The following LRRC37A2 variants were observed in gnomAD, a reference collection of about 807,000 sequenced individuals.
LRRC37A2 encodes the protein leucine rich repeat containing 37 member A2, also known as leucine-rich repeat-containing protein 37A2.
A neutral mutation model predicts 68.8 loss-of-function variants in LRRC37A2; 9 were observed. The observed-to-expected ratio is 0.13, with a 90% CI of 0.08 to 0.23. The LOEUF (loss-of-function observed/expected upper bound fraction) is 0.23, where lower values mean the gene tolerates loss of function less well. Among genes scored for constraint, LRRC37A2 ranks in the 10% least tolerant of loss-of-function variants. The pLI, the probability that LRRC37A2 is intolerant of heterozygous loss-of-function variation, is 1.00. For missense variants in LRRC37A2, 168 were observed against 950.4 expected (o/e 0.18, Z 10.82); for synonymous variants, 63 against 367.6 (o/e 0.17, Z 9.48).
the LRRC37A2 span, among the ~76,000 whole-genome samples, chr17:46,917,709 G>A: frequency 6.6e-6 from 1 of 152,176 alleles, no homozygotes; most frequent in Non-Finnish European, 1.5e-5. Context: ...TTTCCGCTTG[G>A]CGTTGCCCTA....
At chr17:46,836,228 G>A in the LRRC37A2 span, among the ~76,000 whole-genome samples, 1 of 151,810 alleles carries the variant, frequency 6.6e-6, no homozygotes, top group Non-Finnish European at 1.5e-5. Context: ...TTCCAAGGAA[G>A]CAGCCAAAAG....
chr17:46,987,472 C>T, the LRRC37A2 span, among the ~76,000 whole-genome samples: 1 of 151,938 alleles, frequency 6.6e-6, no homozygotes, highest in Admixed American at 6.5e-5. Flanking sequence ...ATAGAGTTTA[C>T]AATAAGAAAA....
intron 10 of LRRC37A2, among the ~76,000 whole-genome samples, chr17:46,550,114 G>T (rs1467388704): frequency 5.8e-5 from 1 of 17,166 alleles, no homozygotes; most frequent in African/African-American, 2.5e-4. Context: ...TCAGGAGTTT[G>T]AGACCAGCTT....
chr17:46,785,973 G>T, the LRRC37A2 span, among the ~76,000 whole-genome samples: 2 of 152,218 alleles, frequency 1.3e-5, no homozygotes, highest in Admixed American at 6.5e-5. Context: ...TGACAAGACC[G>T]CCTGAAAAAT....
chr17:46,886,556 G>A, the LRRC37A2 span: 1 of 152,060 alleles, frequency 6.6e-6, no homozygotes, highest in East Asian at 1.9e-4. Context: ...AATGTAGGTG[G>A]CCAGGTGATT....
the LRRC37A2 span, among the ~76,000 whole-genome samples, chr17:46,994,193 T>TG: frequency 6.6e-6 from 1 of 152,048 alleles, no homozygotes; most frequent in Non-Finnish European, 1.5e-5. Context: ...GAGACCAGCC[T>TG]GGCCAACATA....
intron 8 of LRRC37A2, among the ~76,000 whole-genome samples, chr17:46,543,733 C>A (rs1598477903): frequency 6.6e-6 from 1 of 150,920 alleles, no homozygotes; most frequent in African/African-American, 2.5e-5. Flanking sequence ...GAAAGTTATA[C>A]AGGTGTTCAT....
chr17:46,795,246 C>T, the LRRC37A2 span, among the ~76,000 whole-genome samples: 1 of 152,206 alleles, frequency 6.6e-6, no homozygotes, highest in Non-Finnish European at 1.5e-5. Flanking sequence ...AACCTCCTAC[C>T]CCACACCAGC....
chr17:46,572,948 A>T, the LRRC37A2 span, among the ~76,000 whole-genome samples: 1 of 104,058 alleles, frequency 9.6e-6, no homozygotes, highest in African/African-American at 4.0e-5. Flanking sequence ...AGGGGAGGGG[A>T]GGGGAGGAAG....
chr17:46,784,776 TC>T, the LRRC37A2 span, among the ~76,000 whole-genome samples: 6,416 of 91,438 alleles, frequency 0.07, 824 homozygotes, highest in East Asian at 0.56. Flanking sequence ...TTTTTGCTTT[TC>T]TTTTTTTTTT....
the LRRC37A2 span, among the ~76,000 whole-genome samples, chr17:46,726,064 C>T: frequency 6.6e-6 from 1 of 152,152 alleles, no homozygotes; most frequent in Non-Finnish European, 1.5e-5. Context: ...CATACTCAAC[C>T]TTTAATTCTT....
At chr17:46,871,473 A>T in the LRRC37A2 span, among the ~76,000 whole-genome samples, 1 of 152,088 alleles carries the variant, frequency 6.6e-6, no homozygotes, top group South Asian at 2.1e-4. Flanking sequence ...TTGTTTCCTC[A>T]TCTGGACAAA....
At chr17:46,990,363 A>C in the LRRC37A2 span, among the ~76,000 whole-genome samples, 1 of 152,210 alleles carries the variant, frequency 6.6e-6, no homozygotes, top group Non-Finnish European at 1.5e-5. Flanking sequence ...GTCCTATGTA[A>C]TTCACCTGAT....
At chr17:46,936,276 T>G in the LRRC37A2 span, 1 of 985,128 alleles carries the variant, frequency 1.0e-6, no homozygotes, top group Non-Finnish European at 1.2e-6. Flanking sequence ...AGTAGAGGCC[T>G]TTTAGGACCA....
chr17:46,782,760 G>A, the LRRC37A2 span, among the ~76,000 whole-genome samples: 4 of 152,212 alleles, frequency 2.6e-5, no homozygotes, highest in African/African-American at 7.2e-5. Flanking sequence ...GACTGGAGCC[G>A]CTCACCTGGC....
the LRRC37A2 span, among the ~76,000 whole-genome samples, chr17:46,681,625 G>C: frequency 6.9e-6 from 1 of 145,716 alleles, no homozygotes; most frequent in Non-Finnish European, 1.5e-5. Flanking sequence ...TTTTTGTTGA[G>C]GGTAAAATAA....
the LRRC37A2 span, among the ~76,000 whole-genome samples, chr17:46,780,091 T>A: frequency 6.6e-6 from 1 of 152,182 alleles, no homozygotes; most frequent in Non-Finnish European, 1.5e-5. Context: ...TTTTAATCAG[T>A]GAATTCAGGT....
the LRRC37A2 span, among the ~76,000 whole-genome samples, chr17:46,945,732 G>T: frequency 6.6e-6 from 1 of 152,150 alleles, no homozygotes; most frequent in Admixed American, 6.5e-5. Flanking sequence ...AGTTTCTTGT[G>T]CCCCAGGCAT....
At chr17:46,989,116 A>T in the LRRC37A2 span, among the ~76,000 whole-genome samples, 1 of 152,098 alleles carries the variant, frequency 6.6e-6, no homozygotes, top group Non-Finnish European at 1.5e-5. Context: ...ATAGCCAAGG[A>T]CTCCATGCAG....
Sources: gnomAD v4.1 joint callset for allele counts (sites outside exome capture counted in the v4.1 genomes callset) on GRCh38, gnomAD v4.1.1 for gene constraint, MANE v1.5 for transcripts, NCBI Gene and HGNC (gene_info 2026-07-23, HGNC 2026-07-21) for gene names.